SPEF2: variants seen among roughly 807,000 people sequenced by gnomAD.
SPEF2 encodes the protein sperm flagellar and cilia associated 2, also known as sperm flagella and cilia-associated protein 2.
SPEF2 carries 187 observed loss-of-function variants against 224.6 expected under a neutral mutation model. That is an observed-to-expected ratio of 0.83 (90% CI 0.74 to 0.94). The LOEUF is 0.94. SPEF2 is among the 40% of genes least tolerant of loss of function. The pLI is 0.00. For synonymous variants in SPEF2, 715 were observed against 707.3 expected (o/e 1.01, Z -0.17); for missense variants, 2,170 against 2,135.6 (o/e 1.02, Z -0.32).
At chr5:35,682,418 C>G (rs571531012) in intron 10 of SPEF2, among the ~76,000 whole-genome samples, 1 of 152,096 alleles carries the variant, frequency 6.6e-6, no homozygotes, top group Non-Finnish European at 1.5e-5. Flanking sequence ...TGTTGTATCC[C>G]CTTAGAAGGT....
At chr5:35,735,039 T>C (rs1429678460) in intron 21 of SPEF2, among the ~76,000 whole-genome samples, 2 of 152,112 alleles carry the variant, frequency 1.3e-5, no homozygotes, top group Non-Finnish European at 2.9e-5. Flanking sequence ...GCTAATTAAG[T>C]TGCCTAGGTC....
intron 26 of SPEF2, chr5:35,764,708 C>T (rs2149763445): frequency 2.2e-6 from 1 of 456,186 alleles, no homozygotes; most frequent in Non-Finnish European, 4.4e-6. Context: ...AACAAAATTT[C>T]CAACTGGGCA....
chr5:35,740,089 A>G (rs925012415), intron 22 of SPEF2, 40 bp from the exon 23 acceptor site: 18 of 1,613,976 alleles, frequency 1.1e-5, no homozygotes, highest in Non-Finnish European at 1.4e-5. Context: ...GTTTAGAGGC[A>G]TGACATATAA....
chr5:35,683,712 T>G (rs1753160860), intron 10 of SPEF2, among the ~76,000 whole-genome samples: 1 of 152,196 alleles, frequency 6.6e-6, no homozygotes, highest in Non-Finnish European at 1.5e-5. Flanking sequence ...CTGTTGTAAT[T>G]TTATGATCTC....
At chr5:35,653,305 C>A (rs1365333508) in intron 6 of SPEF2, among the ~76,000 whole-genome samples, 1 of 152,188 alleles carries the variant, frequency 6.6e-6, no homozygotes, top group Non-Finnish European at 1.5e-5. Context: ...CCAGTCAGAC[C>A]TGTGCTTACA....
At chr5:35,644,259 AG>A in intron 3 of SPEF2, 95 bp from the exon 4 acceptor site, 1 of 1,112,434 alleles carries the variant, frequency 9.0e-7, no homozygotes, top group South Asian at 2.1e-5. Context: ...AGTAATTTAA[AG>A]AATTTCATTT....
At chr5:35,661,793 A>T (rs972772835) in intron 8 of SPEF2, among the ~76,000 whole-genome samples, 1 of 152,114 alleles carries the variant, frequency 6.6e-6, no homozygotes, top group African/African-American at 2.4e-5. Flanking sequence ...TCCATGGTGT[A>T]TATATACCAC....
chr5:35,800,167 A>G lies in SPEF2; in HGVS notation c.5010+20A>G, dbSNP rs761445940. Reference sequence around the variant, plus strand: ...GAAAAGGTAATTGCATTCCAGAAATAGACTAACTATAGAGTCTAGAGGGGA... The same window carrying G: ...GAAAAGGTAATTGCATTCCAGAAATGGACTAACTATAGAGTCTAGAGGGGA... On this transcript the variant is annotated intron_variant, in intron 34 of 36. Transcript: ENST00000356031. 1 of 1,613,678 alleles carries G rather than the reference A, an allele frequency of 6.2e-7. No homozygotes were observed. Among genetic ancestry groups the G allele is most frequent in the South Asian group, 1.1e-5 (1 of 91,040 alleles).
intron 20 of SPEF2, among the ~76,000 whole-genome samples, chr5:35,719,321 C>T (rs1442969289): frequency 4.6e-5 from 7 of 152,170 alleles, no homozygotes; most frequent in Non-Finnish European, 8.8e-5. Context: ...CATGATTTCT[C>T]TCTCTCCCAT....
At chr5:35,726,676 A>G (rs928282908) in intron 20 of SPEF2, among the ~76,000 whole-genome samples, 1 of 152,174 alleles carries the variant, frequency 6.6e-6, no homozygotes, top group Non-Finnish European at 1.5e-5. Flanking sequence ...CTCATTAAAG[A>G]TATATTTTGG....
chr5:35,801,718 T>C (rs1449480433), intron 34 of SPEF2, among the ~76,000 whole-genome samples: 1 of 152,108 alleles, frequency 6.6e-6, no homozygotes, highest in Non-Finnish European at 1.5e-5. Flanking sequence ...TCAAATGATG[T>C]CAGACCCGCT....
intron 1 of SPEF2, among the ~76,000 whole-genome samples, chr5:35,626,547 CA>C (rs1354220791): frequency 1.3e-5 from 2 of 151,862 alleles, no homozygotes; most frequent in Non-Finnish European, 2.9e-5. Context: ...GATCCATAGA[CA>C]AAAAAAGCAT....
chr5:35,640,888 T>C (rs1221533953), intron 2 of SPEF2, among the ~76,000 whole-genome samples: 1 of 152,116 alleles, frequency 6.6e-6, no homozygotes, highest in Non-Finnish European at 1.5e-5. Flanking sequence ...TAGAAATCAC[T>C]CTTATATTTC....
intron 1 of SPEF2, among the ~76,000 whole-genome samples, chr5:35,625,998 G>T (rs538364114): frequency 6.6e-6 from 1 of 152,176 alleles, no homozygotes; most frequent in Admixed American, 6.5e-5. Flanking sequence ...TAGTAGCATC[G>T]AAAGGCATTA....
chr5:35,670,351 C>G (rs962927819), intron 10 of SPEF2, 124 bp downstream of exon 10: 4 of 1,421,188 alleles, frequency 2.8e-6, no homozygotes, highest in Non-Finnish European at 3.7e-6. Context: ...TTGCATTTTC[C>G]CTTGTTTTAA....
intron 23 of SPEF2, among the ~76,000 whole-genome samples, chr5:35,752,297 T>A (rs141439412): frequency 7.4e-4 from 113 of 152,182 alleles, no homozygotes; most frequent in African/African-American, 2.7e-3. Flanking sequence ...GAATTATTAT[T>A]ATTAATTTTT....
intron 30 of SPEF2, 104 bp from the exon 31 acceptor site, chr5:35,792,236 A>G (rs1049740926): frequency 5.8e-6 from 4 of 690,810 alleles, no homozygotes; most frequent in Non-Finnish European, 9.0e-6. Flanking sequence ...TTTATATAAT[A>G]TGAATAAAGA....
At chr5:35,788,305 T>C (rs1419381243) in intron 30 of SPEF2, 2 of 702,958 alleles carry the variant, frequency 2.8e-6, no homozygotes, top group South Asian at 1.5e-5. Flanking sequence ...AAGATTTTAT[T>C]TGGATGTGCA....
chr5:35,751,390 A>T (rs1261518876), intron 23 of SPEF2, among the ~76,000 whole-genome samples: 1 of 151,182 alleles, frequency 6.6e-6, no homozygotes, highest in African/African-American at 2.4e-5. Flanking sequence ...TGATGAGTAC[A>T]GCAAAATCTC....
Sources: gnomAD v4.1 joint callset for allele counts (sites outside exome capture counted in the v4.1 genomes callset) on GRCh38, gnomAD v4.1.1 for gene constraint, MANE v1.5 for transcripts, NCBI Gene and HGNC (gene_info 2026-07-23, HGNC 2026-07-21) for gene names.